Variants in WDR59 observed in about 807,000 individuals in gnomAD.
WDR59 encodes WD repeat domain 59, also known as GATOR2 complex protein WDR59.
Under a neutral mutation model 131.2 loss-of-function variants are expected in WDR59, and 100 were observed. That is an observed-to-expected ratio of 0.76 (90% CI 0.65 to 0.90). The LOEUF is 0.90. WDR59 is among the 40% of genes least tolerant of loss of function. The pLI, the probability that WDR59 is intolerant of heterozygous loss-of-function variation, is 0.00. For missense variants in WDR59, 1,203 were observed against 1,262.2 expected (o/e 0.95, Z 0.71); for synonymous variants, 601 against 466.2 (o/e 1.29, Z -3.72).
chr16:74,894,309 C>T (rs1024016493), intron 18 of WDR59, among the ~76,000 whole-genome samples: 5 of 152,214 alleles, frequency 3.3e-5, no homozygotes, highest in African/African-American at 7.2e-5. Context: ...AGAAACTTTG[C>T]ACCTTGAGGA....
intron 1 of WDR59, among the ~76,000 whole-genome samples, chr16:74,973,356 G>C (rs1279449113): frequency 6.6e-6 from 1 of 152,182 alleles, no homozygotes; most frequent in Non-Finnish European, 1.5e-5. Context: ...CTGGAGCACA[G>C]TGGCGTTGCA....
chr16:74,899,019 G>A (rs1005671819), intron 18 of WDR59, among the ~76,000 whole-genome samples: 6 of 152,138 alleles, frequency 3.9e-5, no homozygotes, highest in Non-Finnish European at 8.8e-5. Flanking sequence ...AAAGCCTCAC[G>A]GCTGCCTTGC....
intron 13 of WDR59, chr16:74,915,636 A>T (rs7187972): frequency 2.6e-6 from 1 of 388,058 alleles, no homozygotes; most frequent in Non-Finnish European, 4.6e-6. Flanking sequence ...GGCTGGTCTC[A>T]AACTCCTGGC....
intron 1 of WDR59, among the ~76,000 whole-genome samples, chr16:74,966,901 G>C (rs2033798284): frequency 6.6e-6 from 1 of 152,168 alleles, no homozygotes; most frequent in East Asian, 1.9e-4. Flanking sequence ...TTCAGGCTGA[G>C]CACAAGGCTT....
chr16:74,921,967 T>G lies in WDR59; in HGVS notation c.866A>C (p.Gln289Pro). Residue 289 changes from glutamine (Q) to proline (P), a missense_variant, in exon 10 of 26, where the codon CAG becomes CCG. By Grantham distance (76) the Gln-to-Pro change is moderately conservative. Transcript: ENST00000262144. Reference protein sequence around the residue: ...VGHDDVVLEFQWRKQKEGSKD... With the variant: ...VGHDDVVLEFPWRKQKEGSKD... ...CTCACCTTCCTTCTGCTTCCTCCACTGGAACTCCAGGACCACATCATCATG... is the reference window on the plus strand; with the variant it reads ...CTCACCTTCCTTCTGCTTCCTCCACGGGAACTCCAGGACCACATCATCATG... 6.2e-7 allele frequency: 1 copy of G among 1,614,044 alleles called. No homozygotes were observed. Among genetic ancestry groups the G allele is most frequent in the Non-Finnish European group, 8.5e-7 (1 of 1,179,978 alleles).
chr16:74,889,818 G>A lies in WDR59; in HGVS notation c.2083-3C>T, dbSNP rs761380432. 53 of 1,606,898 alleles carry A rather than the reference G, an allele frequency of 3.3e-5. No individual in the cohort carries two copies. The East Asian group carries it at 1.2e-3, about 35-fold the overall frequency. On this transcript the variant is annotated splice_polypyrimidine_tract_variant and splice_region_variant and intron_variant, in intron 20 of 25. Coordinates refer to ENST00000262144, the MANE Select transcript of WDR59 (RefSeq NM_030581.4). ...GCTACCGTAGCCAGCGACCAAACCT[G>A]GACAGATCAAAGAGAAATACAAACT...
rs942545931 is a variant in WDR59, at chr16:74,936,596, T to C, written c.651+1554A>G. Among the ~76,000 whole-genome samples, 6 of 152,082 alleles carry C rather than the reference T, an allele frequency of 3.9e-5. No homozygotes were observed. In the South Asian group the frequency reaches 1.2e-3, roughly 32 times the overall value. ...ATCCCAGCACTTTGGGAGGCCGAGA[T>C]GGGCGGATCACTTGAGGTTAGGAGT... On this transcript the variant is annotated intron_variant, in intron 8 of 25. Transcript: ENST00000262144.
intron 8 of WDR59, among the ~76,000 whole-genome samples, chr16:74,925,803 T>G (rs376459237): frequency 6.6e-6 from 1 of 151,566 alleles, no homozygotes; most frequent in East Asian, 2.0e-4. Flanking sequence ...CTAAGGTAGG[T>G]GGATCACTTG....
At chr16:74,984,881 C>T in intron 1 of WDR59, 83 bp downstream of exon 1, 1 of 1,553,776 alleles carries the variant, frequency 6.4e-7, no homozygotes, top group Middle Eastern at 1.7e-4. Context: ...TCCCCGTAGC[C>T]CCCCGGGACG....
intron 8 of WDR59, among the ~76,000 whole-genome samples, chr16:74,927,964 G>A (rs2145034064): frequency 7.1e-6 from 1 of 140,652 alleles, no homozygotes; most frequent in Admixed American, 7.5e-5. Flanking sequence ...CTGGAGTGCA[G>A]TAGCGCGATC....
intron 1 of WDR59, among the ~76,000 whole-genome samples, chr16:74,983,969 G>C (rs1411200358): frequency 6.6e-6 from 1 of 151,754 alleles, no homozygotes; most frequent in Non-Finnish European, 1.5e-5. Flanking sequence ...GACAGAGCCA[G>C]ACCCTGTCTC....
intron 7 of WDR59, among the ~76,000 whole-genome samples, chr16:74,940,951 G>A (rs551391866): frequency 7.2e-5 from 11 of 152,042 alleles, no homozygotes; most frequent in East Asian, 2.0e-4. Context: ...TGATCCACCC[G>A]CCTCAGCCTC....
At chr16:74,896,047 C>T (rs1175747795) in intron 18 of WDR59, among the ~76,000 whole-genome samples, 1 of 151,862 alleles carries the variant, frequency 6.6e-6, no homozygotes, top group African/African-American at 2.4e-5. Context: ...CCCACAGGCC[C>T]CACATAACTG....
At chr16:74,972,167 T>C (rs1046140090) in intron 1 of WDR59, among the ~76,000 whole-genome samples, 3 of 152,228 alleles carry the variant, frequency 2.0e-5, no homozygotes, top group South Asian at 2.1e-4. Context: ...ATGGTGACTT[T>C]TGGCACACTT....
At chr16:74,907,981 C>G (rs79641304) in intron 17 of WDR59, among the ~76,000 whole-genome samples, 1 of 152,166 alleles carries the variant, frequency 6.6e-6, no homozygotes, top group Non-Finnish European at 1.5e-5. Flanking sequence ...GTCTATATTC[C>G]TATCTGCTAC....
At chr16:74,897,528 A>C (rs912583237) in intron 18 of WDR59, among the ~76,000 whole-genome samples, 1 of 152,212 alleles carries the variant, frequency 6.6e-6, no homozygotes, top group African/African-American at 2.4e-5. Flanking sequence ...TGAAAATCAC[A>C]GTCTGTGTTT....
At chr16:74,981,983 C>T (rs1356131405) in intron 1 of WDR59, among the ~76,000 whole-genome samples, 7 of 124,548 alleles carry the variant, frequency 5.6e-5, no homozygotes, top group Non-Finnish European at 8.6e-5. Context: ...AGGCCAGGCA[C>T]GGTGGCTCAC....
chr16:74,899,666 G>C (rs1438252654), intron 18 of WDR59: 1 of 1,287,324 alleles, frequency 7.8e-7, no homozygotes, highest in Middle Eastern at 2.1e-4. Context: ...GACAGGATTA[G>C]TTAAGGAGAG....
intron 6 of WDR59, among the ~76,000 whole-genome samples, chr16:74,943,165 C>T (rs779850638): frequency 5.9e-5 from 9 of 151,974 alleles, no homozygotes; most frequent in African/African-American, 2.2e-4. Context: ...GTCACACAAC[C>T]TGACCCTTTC....
Sources: gnomAD v4.1 joint callset for allele counts (sites outside exome capture counted in the v4.1 genomes callset) on GRCh38, gnomAD v4.1.1 for gene constraint, MANE v1.5 for transcripts, NCBI Gene and HGNC (gene_info 2026-07-23, HGNC 2026-07-21) for gene names.